The following UBAC2 variants were observed in gnomAD, a reference collection of about 807,000 sequenced individuals.
UBAC2 encodes the protein ubiquitin-associated domain-containing protein 2.
UBAC2 carries 26 observed loss-of-function variants against 44.0 expected under a neutral mutation model. That is an observed-to-expected ratio of 0.59 (90% CI 0.43 to 0.82). The LOEUF (loss-of-function observed/expected upper bound fraction) is 0.82, where lower values mean the gene tolerates loss of function less well. Ranked by LOEUF, UBAC2 falls within the 40% of genes least tolerant of loss-of-function variation. The pLI is 0.00. For synonymous variants in UBAC2, 155 were observed against 154.3 expected (o/e 1.00, Z -0.04); for missense variants, 329 against 419.4 (o/e 0.78, Z 1.88).
chr13:99,236,878 A>G (rs946923000), intron 1 of UBAC2, among the ~76,000 whole-genome samples: 2 of 152,122 alleles, frequency 1.3e-5, no homozygotes, highest in African/African-American at 4.8e-5. Context: ...CAAACAAAAC[A>G]GAGGCTGGCC....
chr13:99,211,020 C>T (rs545778932), intron 1 of UBAC2, among the ~76,000 whole-genome samples: 2 of 152,252 alleles, frequency 1.3e-5, no homozygotes, highest in South Asian at 2.1e-4. Context: ...TTCAGATATT[C>T]ATAGAAGTGA....
At chr13:99,313,312 G>A (rs1260747863) in intron 4 of UBAC2, 1 of 152,312 alleles carries the variant, frequency 6.6e-6, no homozygotes, top group African/African-American at 2.4e-5. Context: ...GCAAGGGAGT[G>A]TTGTGATCAG....
At chr13:99,360,107 C>CT (rs35823326) in intron 7 of UBAC2, among the ~76,000 whole-genome samples, 27,003 of 152,174 alleles carry the variant, frequency 0.18, 2,567 homozygotes, top group Middle Eastern at 0.23. Context: ...CCATTTTACT[C>CT]TTTTATGGGG....
At chr13:99,338,051 T>TC (rs2044822928) in intron 6 of UBAC2, among the ~76,000 whole-genome samples, 3 of 57,906 alleles carry the variant, frequency 5.2e-5, no homozygotes, top group Non-Finnish European at 1.2e-4. Context: ...TTTTTTCTTT[T>TC]TTTTTTTTTT....
At chr13:99,337,350 T>C (rs1418574468) in intron 6 of UBAC2, among the ~76,000 whole-genome samples, 3 of 151,998 alleles carry the variant, frequency 2.0e-5, no homozygotes, top group Non-Finnish European at 4.4e-5. Flanking sequence ...ATCTTTTTCT[T>C]TTTTTTCTGT....
intron 6 of UBAC2, among the ~76,000 whole-genome samples, chr13:99,334,518 G>C (rs947270125): frequency 2.0e-5 from 3 of 152,266 alleles, no homozygotes; most frequent in East Asian, 3.9e-4. Context: ...AGTTAAGTGA[G>C]GACTTACTGT....
At chr13:99,321,617 A>G (rs943862567) in intron 6 of UBAC2, among the ~76,000 whole-genome samples, 3 of 152,024 alleles carry the variant, frequency 2.0e-5, no homozygotes, top group South Asian at 2.1e-4. Context: ...CTAGTTTTTA[A>G]TCTCTCCTCG....
intron 1 of UBAC2, among the ~76,000 whole-genome samples, chr13:99,223,532 C>A (rs534698772): frequency 2.8e-4 from 28 of 99,318 alleles, no homozygotes; most frequent in African/African-American, 1.1e-3. Flanking sequence ...GCTCTTCTTT[C>A]TCTTTTTCTG....
intron 8 of UBAC2, among the ~76,000 whole-genome samples, chr13:99,368,281 G>A (rs375744561): frequency 6.6e-6 from 1 of 152,198 alleles, no homozygotes; most frequent in East Asian, 1.9e-4. Context: ...TTTGAGTCAT[G>A]TTAATGTTTT....
At chr13:99,372,699 G>C (rs898948534) in intron 8 of UBAC2, 1 of 152,544 alleles carries the variant, frequency 6.6e-6, no homozygotes, top group Non-Finnish European at 1.5e-5. Flanking sequence ...AGAGGAGGAG[G>C]AGGAAGAAGA....
intron 1 of UBAC2, among the ~76,000 whole-genome samples, chr13:99,223,642 C>G (rs1047244646): frequency 2.1e-5 from 3 of 143,966 alleles, no homozygotes; most frequent in Non-Finnish European, 4.5e-5. Context: ...ATTTTCCCCT[C>G]TAAGCATTGC....
chr13:99,255,645 G>T (rs189039762), intron 4 of UBAC2: 1 of 1,614,028 alleles, frequency 6.2e-7, no homozygotes, highest in Non-Finnish European at 8.5e-7. Flanking sequence ...ACATTCGAAA[G>T]GGTAAAGTCA....
At chr13:99,292,180 G>T (rs1311422245) in intron 4 of UBAC2, among the ~76,000 whole-genome samples, 1 of 150,544 alleles carries the variant, frequency 6.6e-6, no homozygotes, top group Non-Finnish European at 1.5e-5. Context: ...CTGTCACCCA[G>T]ACTGGAGTGC....
At chr13:99,264,499 CTTT>C (rs910666229) in intron 4 of UBAC2, among the ~76,000 whole-genome samples, 2 of 152,190 alleles carry the variant, frequency 1.3e-5, no homozygotes, top group African/African-American at 4.8e-5. Context: ...CGTTTGTCCC[CTTT>C]TTTTCTTTGT....
intron 1 of UBAC2, among the ~76,000 whole-genome samples, chr13:99,226,280 A>G (rs1415183981): frequency 1.3e-5 from 2 of 152,188 alleles, no homozygotes; most frequent in African/African-American, 2.4e-5. Context: ...GTAACTGCCA[A>G]CAGTTCTTCC....
intron 4 of UBAC2, among the ~76,000 whole-genome samples, chr13:99,284,939 C>CA (rs772182986): frequency 2.0e-5 from 3 of 152,050 alleles, no homozygotes; most frequent in African/African-American, 7.2e-5. Flanking sequence ...TTCAGTGACA[C>CA]AAGCAGAGAG....
At chr13:99,318,821 CAAAAAA>C (rs397851352) in intron 6 of UBAC2, among the ~76,000 whole-genome samples, 3 of 69,894 alleles carry the variant, frequency 4.3e-5, no homozygotes, top group Non-Finnish European at 8.0e-5. Flanking sequence ...GACTCCATCT[CAAAAAA>C]AAAAAAAAAA....
At chr13:99,302,879 A>G (rs774904413) in intron 4 of UBAC2, among the ~76,000 whole-genome samples, 3 of 152,132 alleles carry the variant, frequency 2.0e-5, no homozygotes, top group Non-Finnish European at 4.4e-5. Context: ...CTGTAAGGTG[A>G]CTTTTTCCCA....
chr13:99,262,710 C>CAAA (rs61627160), intron 4 of UBAC2, among the ~76,000 whole-genome samples: 12 of 57,164 alleles, frequency 2.1e-4, no homozygotes, highest in South Asian at 7.8e-4. Flanking sequence ...AACTCCCTCT[C>CAAA]AAAAAAAAAA....
Sources: allele counts gnomAD v4.1 joint callset (sites outside exome capture counted in the v4.1 genomes callset), GRCh38; gene constraint gnomAD v4.1.1; transcripts MANE v1.5; gene names NCBI Gene and HGNC (gene_info 2026-07-23, HGNC 2026-07-21).